Variants in ZNF721 observed in about 807,000 individuals in gnomAD.
ZNF721 encodes zinc finger protein 721.
Under a neutral mutation model 2.4 loss-of-function variants are expected in ZNF721, and 2 were observed. That is an observed-to-expected ratio of 0.82 (90% CI 0.34 to 2.58). ZNF721 has a LOEUF of 2.58. ZNF721 is among the 30% of genes most tolerant of loss of function. The pLI is 0.11. For missense variants in ZNF721, 1,187 were observed against 1,085.5 expected, an observed-to-expected ratio of 1.09 and a Z score of -1.31; for synonymous variants, 398 against 381.8, an observed-to-expected ratio of 1.04 and a Z score of -0.50.
intron 1 of ZNF721, among the ~76,000 whole-genome samples, chr4:492,428 G>T (rs1161283317): frequency 6.6e-6 from 1 of 152,030 alleles, no homozygotes; most frequent in Non-Finnish European, 1.5e-5. Context: ...AATAAAAGCT[G>T]AACTTCAGGT....
At position 443,516 on chromosome 4, in the gene ZNF721, G is replaced by T. The variant is rs368622788; in HGVS notation, c.951C>A (p.Ser317=). 9 of 1,613,364 alleles carry T rather than the reference G, an allele frequency of 5.6e-6. No homozygotes were observed. Among genetic ancestry groups the T allele is most frequent in the African/African-American group, 1.3e-5 (1 of 74,714 alleles). ...CEVCGKAFRQ[S]ANLYVHRRIH... ...TTCTCCTATGTACATAAAGGTTTGC[G>T]GACTGTCTAAAGGCTTTGCCACATA... is the stretch of plus-strand genomic sequence containing the variant. The change falls in exon 3 of 3, where the codon TCC becomes TCA. Residue 317 remains serine (S), a synonymous_variant. Coordinates refer to ENST00000511833, the MANE Select transcript of ZNF721 (RefSeq NM_133474.4).
intron 2 of ZNF721, among the ~76,000 whole-genome samples, chr4:465,413 T>C (rs1715212694): frequency 6.7e-6 from 1 of 150,078 alleles, no homozygotes; most frequent in Non-Finnish European, 1.5e-5. Context: ...GATTGTTATC[T>C]TAAGCTAGGC....
intron 1 of ZNF721, among the ~76,000 whole-genome samples, chr4:497,731 A>AC (rs201418179): frequency 4.7e-5 from 6 of 127,702 alleles, no homozygotes; most frequent in Admixed American, 7.5e-5. Flanking sequence ...ACTAAAAAAT[A>AC]CAAAAAAAAA....
intron 1 of ZNF721, among the ~76,000 whole-genome samples, chr4:490,462 C>G (rs1283345935): frequency 6.7e-6 from 1 of 149,418 alleles, no homozygotes; most frequent in Non-Finnish European, 1.5e-5. Context: ...GAGTGAGACC[C>G]GTCTCAAAAA....
rs1323687452 is a variant in ZNF721 at position 458,847 on chromosome 4, A to AG, written c.34+13727dup. Among the ~76,000 whole-genome samples the AG allele has an allele frequency of 2.1e-5, 3 of 145,510 alleles. No homozygotes were observed. The East Asian group carries it at 6.0e-4, about 29-fold the overall frequency. On this transcript the variant is annotated intron_variant, in intron 2 of 2. Coordinates refer to ENST00000511833, the MANE Select transcript of ZNF721 (RefSeq NM_133474.4). ...GGTGACAGAGCAAGACTCCGTCTAA[A>AG]GAAAAAAAAAACAGATCTAAAAAAT...
chr4:465,435 GTT>G (rs144460748), intron 2 of ZNF721, among the ~76,000 whole-genome samples: 14 of 138,986 alleles, frequency 1.0e-4, no homozygotes, highest in African/African-American at 1.9e-4. Flanking sequence ...TTTGTTTTTT[GTT>G]TTTTTTTTTT....
intron 1 of ZNF721, among the ~76,000 whole-genome samples, chr4:474,817 A>G (rs1553868392): frequency 6.6e-6 from 1 of 151,720 alleles, no homozygotes; most frequent in South Asian, 2.1e-4. Flanking sequence ...TGGAGGTTGC[A>G]GTGAGCTGAG....
rs1714233106 is a variant in ZNF721, at chr4:441,485, T to G, written c.*210A>C. 1 of 476,554 alleles carries G rather than the reference T, an allele frequency of 2.1e-6. No homozygotes were observed. Among genetic ancestry groups the G allele is most frequent in the Non-Finnish European group, 3.6e-6 (1 of 274,262 alleles). The allele number at this position is 476,554 out of a possible 1,614,324, so 29.5% of individuals were successfully genotyped here. ...CTTCTCATCAATATAATTACTCTTA[T>G]GTCTACAACAGATTGAGGTGTGATT... On this transcript the variant is annotated 3_prime_UTR_variant, in exon 3 of 3. Transcript: ENST00000511833.
Position 444,232 on chromosome 4 carries a change from T to C in ZNF721, c.235A>G (p.Lys79Glu), listed in dbSNP as rs1560225403. The C allele has an allele frequency of 6.2e-7, 1 of 1,613,704 alleles. No individual in the cohort carries two copies. The highest frequency in any genetic ancestry group is 1.1e-5 in the South Asian group (1 of 91,042). The part of the protein sequence containing the change: ...INKCLSNTQS[K>E]IFQCNARVKV... ...ACACGTGCATTACATTGAAATATTT[T>C]GCTCTGAGTATTTGACAAGCATTTA... Residue 79 changes from lysine (K) to glutamate (E), a missense_variant, in exon 3 of 3, where the codon AAA (lysine) becomes GAA (glutamate). By Grantham distance (56) the Lys-to-Glu change is moderately conservative. Coordinates refer to ENST00000511833, the MANE Select transcript of ZNF721 (RefSeq NM_133474.4).
Position 473,834 on chromosome 4 carries a change from C to T in ZNF721, c.-93-1133G>A, listed in dbSNP as rs1029107806. 12 of 941,310 alleles carry T rather than the reference C, an allele frequency of 1.3e-5. No homozygotes were observed. In the African/African-American group the frequency reaches 2.0e-4, roughly 16 times the overall value. The allele number at this position is 941,310 out of a possible 1,614,324, so 58.3% of individuals were successfully genotyped here. ...CCTTGCGGGGACCCCGACAGGAGCG[C>T]GGGTCCCTCACCGGAGGGGACTGAG... On this transcript the variant is annotated intron_variant, in intron 1 of 2. Coordinates refer to ENST00000511833, the MANE Select transcript of ZNF721 (RefSeq NM_133474.4).
intron 2 of ZNF721, among the ~76,000 whole-genome samples, chr4:465,638 T>C (rs1051497793): frequency 1.3e-5 from 2 of 152,084 alleles, no homozygotes; most frequent in East Asian, 1.9e-4. Flanking sequence ...TCCACCATGT[T>C]AGCCAGGATG....
At chr4:453,462 T>A (rs1408707739) in intron 2 of ZNF721, 1 of 152,274 alleles carries the variant, frequency 6.6e-6, no homozygotes, top group African/African-American at 2.4e-5. Context: ...ACAGACTATT[T>A]AATCAGCTGG....
intron 1 of ZNF721, among the ~76,000 whole-genome samples, chr4:472,972 G>T (rs1715486271): frequency 6.6e-6 from 1 of 152,078 alleles, no homozygotes; most frequent in South Asian, 2.1e-4. Context: ...AAAACAGGTT[G>T]AACTCACCTC....
At chr4:447,414 G>T (rs1022595009) in intron 2 of ZNF721, among the ~76,000 whole-genome samples, 2 of 151,876 alleles carry the variant, frequency 1.3e-5, no homozygotes, top group African/African-American at 2.4e-5. Flanking sequence ...TATCTCTATA[G>T]ATACGCCAAA....
intron 2 of ZNF721, among the ~76,000 whole-genome samples, chr4:471,886 T>C (rs986758767): frequency 6.6e-6 from 1 of 152,140 alleles, no homozygotes; most frequent in Non-Finnish European, 1.5e-5. Flanking sequence ...TTAAATATAG[T>C]TAAACAATTT....
chr4:454,768 G>A (rs530610573), intron 2 of ZNF721, among the ~76,000 whole-genome samples: 2 of 152,314 alleles, frequency 1.3e-5, no homozygotes, highest in East Asian at 1.9e-4. Context: ...ACCAAATCCC[G>A]GAATGGGCTG....
chr4:462,063 G>C (rs1715088841), intron 2 of ZNF721, among the ~76,000 whole-genome samples: 1 of 152,048 alleles, frequency 6.6e-6, no homozygotes, highest in South Asian at 2.1e-4. Context: ...AGCAGTCTCA[G>C]GATACAAAAC....
chr4:478,320 A>G (rs1481311666), intron 1 of ZNF721, among the ~76,000 whole-genome samples: 1 of 152,188 alleles, frequency 6.6e-6, no homozygotes, highest in Non-Finnish European at 1.5e-5. Context: ...CACATAAATG[A>G]AAGTATATAC....
chr4:497,605 C>T (rs1264558250), intron 1 of ZNF721, among the ~76,000 whole-genome samples: 1 of 151,690 alleles, frequency 6.6e-6, no homozygotes, highest in East Asian at 1.9e-4. Context: ...AATAACAGGC[C>T]GGACAGGGCG....
Sources: allele counts gnomAD v4.1 joint callset (sites outside exome capture counted in the v4.1 genomes callset), GRCh38; gene constraint gnomAD v4.1.1; transcripts MANE v1.5; gene names NCBI Gene and HGNC (gene_info 2026-07-23, HGNC 2026-07-21).